Variants in PAFAH1B1 observed in about 807,000 individuals in gnomAD.
PAFAH1B1 encodes the protein platelet-activating factor acetylhydrolase IB subunit beta.
Under a neutral mutation model 57.5 loss-of-function variants are expected in PAFAH1B1, and 2 were observed. The observed-to-expected ratio is 0.03, with a 90% confidence interval of 0.01 to 0.11. The LOEUF (loss-of-function observed/expected upper bound fraction) is 0.11. Ranked by LOEUF, PAFAH1B1 falls within the 10% of genes least tolerant of loss-of-function variation. PAFAH1B1 has a pLI of 1.00. For synonymous variants in PAFAH1B1, 152 were observed against 169.6 expected (o/e 0.90, Z 0.81); for missense variants, 257 against 512.0 (o/e 0.50, Z 4.81).
intron 2 of PAFAH1B1, 129 bp downstream of exon 2, chr17:2,638,449 T>G (rs1461669959): frequency 2.7e-6 from 2 of 743,970 alleles, no homozygotes; most frequent in Non-Finnish European, 4.7e-6. Context: ...AATATTAGTT[T>G]AGGCAGTTTG....
At chr17:2,672,259 G>A (rs1285126282) in intron 6 of PAFAH1B1, among the ~76,000 whole-genome samples, 2 of 135,982 alleles carry the variant, frequency 1.5e-5, no homozygotes, top group Admixed American at 7.8e-5. Flanking sequence ...ACTTTAGCCT[G>A]GGTAACAGAG....
chr17:2,668,215 A>G (rs1218712003), intron 5 of PAFAH1B1, among the ~76,000 whole-genome samples: 2 of 151,854 alleles, frequency 1.3e-5, no homozygotes, highest in Admixed American at 6.6e-5. Context: ...AGTCCCAGCT[A>G]CTTGGAAGGC....
chr17:2,623,483 C>T (rs975884121), intron 1 of PAFAH1B1, among the ~76,000 whole-genome samples: 5 of 151,978 alleles, frequency 3.3e-5, no homozygotes, highest in South Asian at 2.1e-4. Flanking sequence ...TGGTCTCAAT[C>T]TCCTGACCTT....
chr17:2,613,287 G>A, intron 1 of PAFAH1B1: 1 of 205,132 alleles, frequency 4.9e-6, no homozygotes, highest in Admixed American at 4.9e-5. Flanking sequence ...CTTCAGCACA[G>A]AGGCTGGGAA....
chr17:2,649,141 T>TG (rs1491395157), intron 2 of PAFAH1B1, among the ~76,000 whole-genome samples: 1 of 77,988 alleles, frequency 1.3e-5, no homozygotes, highest in African/African-American at 4.3e-5. Flanking sequence ...TGCTTGAAAC[T>TG]GGGAGGCAGA....
intron 1 of PAFAH1B1, among the ~76,000 whole-genome samples, chr17:2,619,647 A>C (rs2068393670): frequency 6.6e-6 from 1 of 151,980 alleles, no homozygotes. Flanking sequence ...CTTAGTTTAT[A>C]AAATTTGTTT....
At position 2,647,793 on chromosome 17, in the gene PAFAH1B1, A is replaced by G. The variant is rs2068788619; in HGVS notation, c.32+9473A>G. Reference sequence around the variant, plus strand: ...GCTGAGGTGGGTGGATCATGGGGTCAGGTGATTGAGACCATCCTGGCTAAC... The same window carrying G: ...GCTGAGGTGGGTGGATCATGGGGTCGGGTGATTGAGACCATCCTGGCTAAC... On this transcript the variant is annotated intron_variant, in intron 2 of 10. Coordinates refer to ENST00000397195, the MANE Select transcript of PAFAH1B1 (RefSeq NM_000430.4). Among the ~76,000 whole-genome samples the G allele has an allele frequency of 2.0e-5, 3 of 151,846 alleles. No individual in the cohort carries two copies. The South Asian group carries it at 6.2e-4, about 31-fold the overall frequency.
At chr17:2,637,409 G>A (rs1256459994) in intron 1 of PAFAH1B1, among the ~76,000 whole-genome samples, 1 of 75,510 alleles carries the variant, frequency 1.3e-5, no homozygotes, top group Non-Finnish European at 2.5e-5. Context: ...AGGGAGACCT[G>A]TCTCTACAAA....
chr17:2,624,135 G>A (rs535262484), intron 1 of PAFAH1B1, among the ~76,000 whole-genome samples: 2 of 152,272 alleles, frequency 1.3e-5, no homozygotes, highest in East Asian at 3.9e-4. Flanking sequence ...CTTTGCTCCA[G>A]TTCCCAACGA....
intron 1 of PAFAH1B1, among the ~76,000 whole-genome samples, chr17:2,637,407 C>G (rs973875910): frequency 1.1e-5 from 1 of 94,896 alleles, no homozygotes; most frequent in Non-Finnish European, 2.0e-5. Flanking sequence ...GTAGGGAGAC[C>G]TGTCTCTACA....
rs545160690 is a variant in PAFAH1B1 at position 2,638,594 on chromosome 17, G to A, written c.32+274G>A. The A allele has an allele frequency of 4.5e-4, 160 of 358,270 alleles. 1 individual carries two copies. The highest frequency in any genetic ancestry group is 6.6e-4 in the Non-Finnish European group (128 of 194,614). The allele number at this position is 358,270 out of a possible 1,614,324, so 22.2% of individuals were successfully genotyped here. ...GCCATCTCGGCTCACTTCAACCTCC[G>A]CCTCCCAGGTTCAAGCTATTCTTCT... On this transcript the variant is annotated intron_variant, in intron 2 of 10. Coordinates refer to ENST00000397195, the MANE Select transcript of PAFAH1B1 (RefSeq NM_000430.4).
intron 2 of PAFAH1B1, among the ~76,000 whole-genome samples, chr17:2,660,031 G>C (rs2151653568): frequency 6.6e-6 from 1 of 152,164 alleles, no homozygotes; most frequent in East Asian, 1.9e-4. Flanking sequence ...TTTTGGAGGA[G>C]GGTACTAAGG....
intron 1 of PAFAH1B1, among the ~76,000 whole-genome samples, chr17:2,628,112 A>T (rs537301537): frequency 6.6e-6 from 1 of 152,138 alleles, no homozygotes; most frequent in African/African-American, 2.4e-5. Context: ...TTCCAGTACT[A>T]TGTTGAAGAG....
At chr17:2,600,898 A>G (rs1224077873) in intron 1 of PAFAH1B1, among the ~76,000 whole-genome samples, 7 of 151,748 alleles carry the variant, frequency 4.6e-5, no homozygotes, top group African/African-American at 1.2e-4. Context: ...ACACCTGGCT[A>G]ATTTTTTATT....
At chr17:2,663,944 C>T (rs193132390) in intron 2 of PAFAH1B1, among the ~76,000 whole-genome samples, 32 of 152,140 alleles carry the variant, frequency 2.1e-4, no homozygotes, top group African/African-American at 7.0e-4. Flanking sequence ...GCGCCCACCT[C>T]GGGCTCCCAA....
chr17:2,604,397 CTGTCCTGAGTTGTT>C (rs2068181702), intron 1 of PAFAH1B1, among the ~76,000 whole-genome samples: 1 of 152,174 alleles, frequency 6.6e-6, no homozygotes, highest in Non-Finnish European at 1.5e-5. Context: ...TATTTTAAAG[CTGTCCTGAGTTGTT>C]ATGGTATACC....
intron 6 of PAFAH1B1, among the ~76,000 whole-genome samples, chr17:2,671,398 G>A (rs988546408): frequency 2.0e-5 from 3 of 151,694 alleles, no homozygotes; most frequent in South Asian, 2.1e-4. Flanking sequence ...TAGTAGAGAC[G>A]GGGTTTCACC....
rs1322415527 is a variant in PAFAH1B1 at position 2,621,627 on chromosome 17, T to G, written c.-190-16472T>G. On this transcript the variant is annotated intron_variant, in intron 1 of 10. Transcript: ENST00000397195. ...TCTGTCTTTTTTTTTTTTTTTTTTTTTTTTTTTTTTTTTTTTGAGACAGGG... is the reference window on the plus strand; with the variant it reads ...TCTGTCTTTTTTTTTTTTTTTTTTTGTTTTTTTTTTTTTTTTGAGACAGGG... Among the ~76,000 whole-genome samples the G allele has an allele frequency of 3.3e-5, 3 of 89,566 alleles. No homozygotes were observed. The East Asian group carries it at 9.0e-4, about 27-fold the overall frequency. 58.8% of individuals were successfully genotyped at this position (89,566 alleles called of 152,430 possible).
At chr17:2,659,955 C>T (rs2068992999) in intron 2 of PAFAH1B1, among the ~76,000 whole-genome samples, 1 of 152,196 alleles carries the variant, frequency 6.6e-6, no homozygotes, top group South Asian at 2.1e-4. Flanking sequence ...CACATTCTCT[C>T]CCAAGACTAT....
Sources: gnomAD v4.1 joint callset for allele counts (sites outside exome capture counted in the v4.1 genomes callset) on GRCh38, gnomAD v4.1.1 for gene constraint, MANE v1.5 for transcripts, NCBI Gene and HGNC (gene_info 2026-07-23, HGNC 2026-07-21) for gene names.